Variants in RORB observed in about 807,000 individuals in gnomAD.
RORB encodes nuclear receptor ROR-beta.
RORB carries 6 observed loss-of-function variants against 59.1 expected under a neutral mutation model. That is an observed-to-expected ratio of 0.10 (90% CI 0.06 to 0.20). The LOEUF (loss-of-function observed/expected upper bound fraction) is 0.20, where lower values mean the gene tolerates loss of function less well. Ranked by LOEUF, RORB falls within the 10% of genes least tolerant of loss-of-function variation. The probability of loss-of-function intolerance (pLI) is 1.00; values close to 1 mark genes in which losing one functional copy is unlikely to be tolerated. For missense variants in RORB, 320 were observed against 560.5 expected, an observed-to-expected ratio of 0.57 and a Z score of 4.33; for synonymous variants, 215 against 204.5, an observed-to-expected ratio of 1.05 and a Z score of -0.44.
intron 1 of RORB, among the ~76,000 whole-genome samples, chr9:74,624,943 G>T (rs1052263030): frequency 6.6e-6 from 1 of 152,076 alleles, no homozygotes; most frequent in Non-Finnish European, 1.5e-5. Context: ...AAGCTAACAG[G>T]TGAATCCAAT....
intron 1 of RORB, among the ~76,000 whole-genome samples, chr9:74,510,771 T>C (rs1165055124): frequency 6.6e-6 from 1 of 152,134 alleles, no homozygotes; most frequent in Non-Finnish European, 1.5e-5. Context: ...AATATAAATA[T>C]TTGATTTATA....
rs141757156 is a variant in RORB, at chr9:74,527,905, A to G, written c.7+29922A>G. On this transcript the variant is annotated intron_variant, in intron 1 of 9. Coordinates refer to ENST00000376896, the MANE Select transcript of RORB (RefSeq NM_006914.4). ...AGGTTGACTTCATGCACTTGAAGATAGATGGCTGCTAACACCATGCTGTGA... is the reference window on the plus strand; with the variant it reads ...AGGTTGACTTCATGCACTTGAAGATGGATGGCTGCTAACACCATGCTGTGA... Among the ~76,000 whole-genome samples the G allele has an allele frequency of 5.9e-5, 9 of 152,182 alleles. No homozygotes were observed. The East Asian group carries it at 1.8e-3, about 30-fold the overall frequency.
intron 1 of RORB, among the ~76,000 whole-genome samples, chr9:74,546,459 A>G (rs368296967): frequency 6.6e-6 from 1 of 152,214 alleles, no homozygotes; most frequent in Non-Finnish European, 1.5e-5. Context: ...AAGCTAGTGT[A>G]GAACACTGTC....
intron 1 of RORB, among the ~76,000 whole-genome samples, chr9:74,612,226 G>C (rs558589349): frequency 2.6e-5 from 4 of 152,132 alleles, no homozygotes; most frequent in Non-Finnish European, 5.9e-5. Flanking sequence ...AGAGTGGAGA[G>C]AGGCTGTCAG....
At chr9:74,644,072 C>A (rs1165140685) in intron 4 of RORB, among the ~76,000 whole-genome samples, 1 of 152,200 alleles carries the variant, frequency 6.6e-6, no homozygotes, top group African/African-American at 2.4e-5. Context: ...GTCTAACCTG[C>A]AAATAGGAGC....
intron 1 of RORB, among the ~76,000 whole-genome samples, chr9:74,525,565 G>A (rs965577364): frequency 9.9e-5 from 15 of 151,524 alleles, no homozygotes; most frequent in African/African-American, 3.6e-4. Flanking sequence ...TTTCTTCCTG[G>A]TCCCTTTTAA....
At chr9:74,563,731 C>T (rs897908462) in intron 1 of RORB, among the ~76,000 whole-genome samples, 3 of 152,154 alleles carry the variant, frequency 2.0e-5, no homozygotes, top group Non-Finnish European at 2.9e-5. Flanking sequence ...GAACTAACAA[C>T]AAAGGAAGTG....
intron 1 of RORB, among the ~76,000 whole-genome samples, chr9:74,514,588 T>A (rs1298243709): frequency 6.6e-6 from 1 of 151,520 alleles, no homozygotes; most frequent in Non-Finnish European, 1.5e-5. Flanking sequence ...CAGTAAATGT[T>A]GAATAAGTGA....
intron 2 of RORB, among the ~76,000 whole-genome samples, chr9:74,633,334 G>A (rs1168402664): frequency 6.6e-6 from 1 of 152,142 alleles, no homozygotes; most frequent in Admixed American, 6.5e-5. Flanking sequence ...GATAGTTGAG[G>A]AAACACAGAA....
intron 1 of RORB, among the ~76,000 whole-genome samples, chr9:74,552,990 T>C (rs1327298073): frequency 6.6e-6 from 1 of 152,106 alleles, no homozygotes; most frequent in Non-Finnish European, 1.5e-5. Context: ...AAACTTGGAA[T>C]GTTCAAGTAT....
intron 1 of RORB, among the ~76,000 whole-genome samples, chr9:74,508,919 C>A (rs1400007059): frequency 2.0e-5 from 3 of 151,976 alleles, no homozygotes; most frequent in Non-Finnish European, 2.9e-5. Flanking sequence ...CTCTCTCTCT[C>A]TCTGGCCATA....
intron 9 of RORB, among the ~76,000 whole-genome samples, chr9:74,679,965 T>C (rs1239537050): frequency 6.6e-6 from 1 of 152,030 alleles, no homozygotes; most frequent in Non-Finnish European, 1.5e-5. Flanking sequence ...TAACTTGGCA[T>C]GGTGGTGCGC....
At chr9:74,661,383 T>C (rs1187272700) in intron 5 of RORB, among the ~76,000 whole-genome samples, 1 of 152,192 alleles carries the variant, frequency 6.6e-6, no homozygotes, top group Non-Finnish European at 1.5e-5. Flanking sequence ...TAAATGTGTG[T>C]ATATCTAAAT....
At chr9:74,506,235 T>C (rs1825869595) in intron 1 of RORB, among the ~76,000 whole-genome samples, 1 of 152,054 alleles carries the variant, frequency 6.6e-6, no homozygotes, top group Admixed American at 6.6e-5. Context: ...AAGGCCACAA[T>C]GATGTTCTTC....
intron 9 of RORB, among the ~76,000 whole-genome samples, chr9:74,676,049 G>A (rs910193409): frequency 6.6e-6 from 1 of 152,200 alleles, no homozygotes; most frequent in African/African-American, 2.4e-5. Flanking sequence ...CGGTCCAGCT[G>A]GGGCCAAGTT....
intron 1 of RORB, among the ~76,000 whole-genome samples, chr9:74,526,250 T>A (rs1203303106): frequency 6.6e-6 from 1 of 151,944 alleles, no homozygotes; most frequent in East Asian, 1.9e-4. Flanking sequence ...TGATTCTTAC[T>A]CTAAAGCTTG....
In RORB at chr9:74,515,411, A is replaced by G. The variant is rs188396584; in HGVS notation, c.7+17428A>G. ...GCGATGTTTCCTCACATACCATCTC[A>G]CTGAATATTATTATACCCATTGTGT... On this transcript the variant is annotated intron_variant, in intron 1 of 9. Coordinates refer to ENST00000376896, the MANE Select transcript of RORB (RefSeq NM_006914.4). 4.4e-3 allele frequency among the ~76,000 whole-genome samples: 672 copies of G among 151,996 alleles called. 3 individuals are homozygous for G. Among genetic ancestry groups the G allele is most frequent in the Admixed American group, 7.0e-3 (107 of 15,220 alleles).
intron 1 of RORB, among the ~76,000 whole-genome samples, chr9:74,624,155 A>G (rs1823469657): frequency 1.3e-5 from 2 of 152,130 alleles, no homozygotes; most frequent in Non-Finnish European, 2.9e-5. Context: ...TTTTTTCTTA[A>G]TCTAACTTTC....
intron 1 of RORB, among the ~76,000 whole-genome samples, chr9:74,545,595 A>T (rs543309924): frequency 1.3e-5 from 2 of 152,324 alleles, no homozygotes; most frequent in Admixed American, 1.3e-4. Context: ...AAAAACAAGC[A>T]AAGGTGAAGA....
Sources: allele counts gnomAD v4.1 joint callset (sites outside exome capture counted in the v4.1 genomes callset), GRCh38; gene constraint gnomAD v4.1.1; transcripts MANE v1.5; gene names NCBI Gene and HGNC (gene_info 2026-07-23, HGNC 2026-07-21).